Variants in CRYBG1 observed in about 807,000 individuals in gnomAD.
CRYBG1 encodes beta/gamma crystallin domain-containing protein 1.
A neutral mutation model predicts 189.2 loss-of-function variants in CRYBG1; 139 were observed. The observed-to-expected ratio is 0.73, with a 90% confidence interval of 0.64 to 0.85. The LOEUF (loss-of-function observed/expected upper bound fraction) is 0.85. CRYBG1 is among the 40% of genes least tolerant of loss of function. CRYBG1 has a pLI of 0.00. For synonymous variants in CRYBG1, 1,023 were observed against 1,017.1 expected (o/e 1.01, Z -0.11); for missense variants, 2,611 against 2,675.8 (o/e 0.98, Z 0.53).
intron 13 of CRYBG1, among the ~76,000 whole-genome samples, chr6:106,548,658 CT>C (rs1238334123): frequency 6.6e-6 from 1 of 151,926 alleles, no homozygotes; most frequent in Non-Finnish European, 1.5e-5. Context: ...GGTGAGAACC[CT>C]TTTTTTGATG....
chr6:106,482,575 A>G (rs1202798210), intron 2 of CRYBG1, among the ~76,000 whole-genome samples: 1 of 152,142 alleles, frequency 6.6e-6, no homozygotes, highest in Admixed American at 6.5e-5. Context: ...GGAGATCGAG[A>G]CCATCCTGGC....
At chr6:106,367,392 T>C (rs1288211768) in intron 1 of CRYBG1, among the ~76,000 whole-genome samples, 1 of 151,378 alleles carries the variant, frequency 6.6e-6, no homozygotes, top group Non-Finnish European at 1.5e-5. Flanking sequence ...ATCCAGACCA[T>C]CCTGGTCAAC....
intron 9 of CRYBG1, among the ~76,000 whole-genome samples, chr6:106,539,980 C>T (rs1235917072): frequency 6.6e-6 from 1 of 151,994 alleles, no homozygotes; most frequent in Non-Finnish European, 1.5e-5. Context: ...ATGGAGCTGT[C>T]GGTGAATGCA....
intron 1 of CRYBG1, among the ~76,000 whole-genome samples, chr6:106,410,464 G>A (rs190861356): frequency 3.3e-5 from 5 of 152,288 alleles, no homozygotes; most frequent in Admixed American, 3.3e-4. Context: ...AAGACAGTAT[G>A]GTGATTCCTC....
At chr6:106,404,632 T>A (rs1031480974) in intron 1 of CRYBG1, among the ~76,000 whole-genome samples, 2 of 151,098 alleles carry the variant, frequency 1.3e-5, no homozygotes, top group Non-Finnish European at 3.0e-5. Context: ...CAGCTCTCAG[T>A]GAGATCAACA....
intron 1 of CRYBG1, among the ~76,000 whole-genome samples, chr6:106,367,314 T>C (rs949499945): frequency 1.3e-5 from 2 of 152,030 alleles, no homozygotes; most frequent in African/African-American, 4.8e-5. Context: ...TTGGGCCAGG[T>C]GTGGTGGCTC....
chr6:106,452,833 A>C (rs1771811190), intron 2 of CRYBG1, among the ~76,000 whole-genome samples: 3 of 152,182 alleles, frequency 2.0e-5, no homozygotes, highest in Non-Finnish European at 4.4e-5. Flanking sequence ...GCAGGATGGG[A>C]AAGTAGAATG....
chr6:106,475,523 G>A (rs1562079170), intron 2 of CRYBG1, among the ~76,000 whole-genome samples: 2 of 152,136 alleles, frequency 1.3e-5, no homozygotes, highest in Admixed American at 6.5e-5. Context: ...AAGTCATGTG[G>A]GCAAAGATAA....
In CRYBG1 at chr6:106,560,907, C is replaced by T; in HGVS notation, c.5960C>T (p.Ser1987Phe). Reference sequence around the variant, plus strand: ...TTCAGTGGCTGTCGCCAAATAGGTTCTCTACGACCTTTTGTTCAGGTATTT... The same window carrying T: ...TTCAGTGGCTGTCGCCAAATAGGTTTTCTACGACCTTTTGTTCAGGTATTT... Reference protein sequence around the residue: ...YEFSGCRQIGSLRPFVQKRIY... With the variant: ...YEFSGCRQIGFLRPFVQKRIY... Residue 1987 changes from serine to phenylalanine, a missense_variant, in exon 19 of 22, where the codon TCT becomes TTT. Transcript: ENST00000633556. The T allele has an allele frequency of 6.2e-7, 1 of 1,608,902 alleles. No homozygotes were observed. The highest frequency in any genetic ancestry group is 8.5e-7 in the Non-Finnish European group (1 of 1,177,736).
intron 13 of CRYBG1, among the ~76,000 whole-genome samples, chr6:106,551,349 C>CT (rs1216600279): frequency 7.2e-5 from 11 of 152,172 alleles, no homozygotes; most frequent in African/African-American, 2.7e-4. Flanking sequence ...TGATTTCATT[C>CT]TTTTTTATGG....
intron 2 of CRYBG1, among the ~76,000 whole-genome samples, chr6:106,499,370 G>C (rs1772948060): frequency 6.8e-6 from 1 of 147,920 alleles, no homozygotes; most frequent in African/African-American, 2.5e-5. Context: ...ATGTTGGCCA[G>C]GCTGGTCTCG....
chr6:106,450,612 C>G (rs1771764816), intron 1 of CRYBG1, among the ~76,000 whole-genome samples: 1 of 152,150 alleles, frequency 6.6e-6, no homozygotes, highest in African/African-American at 2.4e-5. Flanking sequence ...AACAAGAACT[C>G]CAGAGATAGG....
At chr6:106,510,721 C>T (rs76157004) in intron 2 of CRYBG1, among the ~76,000 whole-genome samples, 1,532 of 152,344 alleles carry the variant, frequency 0.01, 34 homozygotes, top group African/African-American at 0.035. Context: ...CCACGCACTC[C>T]TCCGTGTTCA....
intron 1 of CRYBG1, among the ~76,000 whole-genome samples, chr6:106,403,311 A>T (rs1312045354): frequency 6.6e-6 from 1 of 152,218 alleles, no homozygotes; most frequent in Non-Finnish European, 1.5e-5. Flanking sequence ...TCTGGCTGAC[A>T]GAGCAAGACC....
At chr6:106,492,686 C>T (rs1772752367) in intron 2 of CRYBG1, among the ~76,000 whole-genome samples, 1 of 152,176 alleles carries the variant, frequency 6.6e-6, no homozygotes, top group Non-Finnish European at 1.5e-5. Context: ...TATCATATGG[C>T]ACTTATCATA....
chr6:106,512,504 G>GCGGAAAAGAAAGTGAAATCTC lies in CRYBG1; in HGVS notation c.1390_1410dup (p.Glu464_Pro470dup), dbSNP rs772589499. 9 of 1,611,064 alleles carry GCGGAAAAGAAAGTGAAATCTC rather than the reference G, an allele frequency of 5.6e-6. No individual in the cohort carries two copies. The African/African-American group carries it at 1.2e-4, about 22-fold the overall frequency. On this transcript the variant is annotated inframe_insertion, in exon 3 of 22. Transcript: ENST00000633556. ...AAACGCGGCCAGCGATAACGCCTCG[G>GCGGAAAAGAAAGTGAAATCTC]CGGAAAAGAAAGTGAAATCTCCGCG...
intron 1 of CRYBG1, among the ~76,000 whole-genome samples, chr6:106,386,527 G>A (rs1668273097): frequency 6.6e-6 from 1 of 152,156 alleles, no homozygotes; most frequent in Admixed American, 6.6e-5. Flanking sequence ...ATGTATTATG[G>A]TCTCTGTGCA....
At position 106,519,359 on chromosome 6, in the gene CRYBG1, G is replaced by A; in HGVS notation, c.2151G>A (p.Leu717=). Residue 717 remains leucine (L), a synonymous_variant, in exon 4 of 22, where the codon CTG becomes CTA. Coordinates refer to ENST00000633556, the MANE Select transcript of CRYBG1 (RefSeq NM_001371242.2). ...SSKTFVGRAK[L]NLAKKAKEME... is the part of the protein sequence containing the mutation. ...AAACGTTTGTTGGGAGGGCAAAGCT[G>A]AATTTAGCCAAAAAAGCCAAAGAAA... The A allele has an allele frequency of 1.2e-6, 2 of 1,614,094 alleles. No individual in the cohort carries two copies. Among genetic ancestry groups the A allele is most frequent in the Non-Finnish European group, 1.7e-6 (2 of 1,180,022 alleles).
At chr6:106,401,336 C>T (rs986549339) in intron 1 of CRYBG1, among the ~76,000 whole-genome samples, 3 of 149,486 alleles carry the variant, frequency 2.0e-5, no homozygotes, top group African/African-American at 7.4e-5. Context: ...GAGAATTTCT[C>T]GTCATATTTT....
Sources: gnomAD v4.1 joint callset for allele counts (sites outside exome capture counted in the v4.1 genomes callset) on GRCh38, gnomAD v4.1.1 for gene constraint, MANE v1.5 for transcripts, NCBI Gene and HGNC (gene_info 2026-07-23, HGNC 2026-07-21) for gene names.